Variants in MED27 observed in about 807,000 individuals in gnomAD.
MED27 encodes the protein mediator of RNA polymerase II transcription subunit 27.
In MED27, 30 loss-of-function variants were observed where a neutral mutation model predicts 38.2. That is an observed-to-expected ratio of 0.79 (90% confidence interval 0.59 to 1.07). MED27 has a LOEUF of 1.07. Among genes scored for constraint, MED27 ranks in the 50% least tolerant of loss-of-function variants. The pLI, the probability that MED27 is intolerant of heterozygous loss-of-function variation, is 0.00. For missense variants in MED27, 289 were observed against 397.5 expected (o/e 0.73, Z 2.32); for synonymous variants, 122 against 153.5 (o/e 0.79, Z 1.52).
Position 131,883,525 on chromosome 9 carries a change from G to A in MED27, c.723+533C>T, listed in dbSNP as rs1454792850. Reference sequence around the variant, plus strand: ...ATCTGAAAAAGATACAGTGTCCCCAGAGCACAAAGTGGGGAAGGGGCAGGG... The same window carrying A: ...ATCTGAAAAAGATACAGTGTCCCCAAAGCACAAAGTGGGGAAGGGGCAGGG... On this transcript the variant is annotated intron_variant, in intron 6 of 7. Transcript: ENST00000292035. The surrounding 1 kb of genome is among the most constrained non-coding windows in gnomAD (Gnocchi z 4.2). Among the ~76,000 whole-genome samples the A allele has an allele frequency of 1.3e-5, 2 of 152,148 alleles. No homozygotes were observed. The highest frequency in any genetic ancestry group is 1.3e-4 in the Admixed American group (2 of 15,272).
chr9:131,892,946 T>C (rs1225960601), intron 5 of MED27, among the ~76,000 whole-genome samples: 6 of 152,222 alleles, frequency 3.9e-5, no homozygotes, highest in Non-Finnish European at 8.8e-5. Context: ...TAGACAACAC[T>C]TGTGTGGAAT....
chr9:131,894,926 C>A (rs1244011557), intron 4 of MED27, among the ~76,000 whole-genome samples: 1 of 152,146 alleles, frequency 6.6e-6, no homozygotes, highest in African/African-American at 2.4e-5. Flanking sequence ...GATCAGCTCC[C>A]TCGAGAGTGG....
At chr9:131,871,928 C>T (rs916927184) in intron 6 of MED27, among the ~76,000 whole-genome samples, 3 of 152,112 alleles carry the variant, frequency 2.0e-5, no homozygotes, top group East Asian at 1.9e-4. Flanking sequence ...TCCTGCCAGG[C>T]ATTCTAAAAC....
intron 4 of MED27, among the ~76,000 whole-genome samples, chr9:131,932,722 A>G (rs1355981073): frequency 2.6e-5 from 4 of 152,210 alleles, no homozygotes; most frequent in Non-Finnish European, 4.4e-5. Context: ...TACTCAAAGT[A>G]TTCCAAAAAA....
intron 4 of MED27, among the ~76,000 whole-genome samples, chr9:131,918,632 C>T (rs143703948): frequency 6.6e-6 from 1 of 152,032 alleles, no homozygotes; most frequent in Non-Finnish European, 1.5e-5. Flanking sequence ...AGGTTTAATG[C>T]CCAAGCATTT....
intron 4 of MED27, among the ~76,000 whole-genome samples, chr9:131,912,618 G>A (rs891897815): frequency 1.3e-5 from 2 of 152,156 alleles, no homozygotes; most frequent in Non-Finnish European, 2.9e-5. Context: ...GATAGGAAAT[G>A]GCTCCCTGAC....
intron 2 of MED27, among the ~76,000 whole-genome samples, chr9:132,070,021 T>C (rs1402421174): frequency 6.6e-6 from 1 of 152,192 alleles, no homozygotes; most frequent in Non-Finnish European, 1.5e-5. Flanking sequence ...CTCAATGCCT[T>C]AGTCCCCACG....
chr9:132,056,481 C>A (rs1564343109), intron 2 of MED27, among the ~76,000 whole-genome samples: 2 of 152,266 alleles, frequency 1.3e-5, no homozygotes, highest in East Asian at 3.9e-4. Flanking sequence ...ATCTCAAAAT[C>A]CAAAATCCCA....
intron 3 of MED27, among the ~76,000 whole-genome samples, chr9:131,944,135 G>T (rs1830838212): frequency 6.6e-6 from 1 of 152,144 alleles, no homozygotes; most frequent in Non-Finnish European, 1.5e-5. Context: ...TGGCGAAAAT[G>T]GATTTCAAGA....
At chr9:131,968,224 C>T (rs1831394742) in intron 3 of MED27, among the ~76,000 whole-genome samples, 1 of 151,992 alleles carries the variant, frequency 6.6e-6, no homozygotes, top group Admixed American at 6.6e-5. Context: ...TGTAATCCCA[C>T]CACTCTGGAA....
intron 3 of MED27, among the ~76,000 whole-genome samples, chr9:131,961,349 A>C (rs1226456158): frequency 6.6e-6 from 1 of 152,208 alleles, no homozygotes; most frequent in Non-Finnish European, 1.5e-5. Flanking sequence ...TCCCAAACAC[A>C]GAACAGGATT....
At chr9:131,985,709 T>A (rs937826831) in intron 3 of MED27, among the ~76,000 whole-genome samples, 37 of 152,200 alleles carry the variant, frequency 2.4e-4, no homozygotes, top group African/African-American at 7.2e-4. Context: ...TTTTTTTTTT[T>A]AGCATATACT....
intron 4 of MED27, among the ~76,000 whole-genome samples, chr9:131,931,252 A>G (rs931823196): frequency 1.3e-5 from 2 of 152,256 alleles, no homozygotes; most frequent in South Asian, 2.1e-4. Context: ...CTCAAAAATA[A>G]ATAAATAAAA....
At chr9:131,916,998 C>T (rs996247179) in intron 4 of MED27, among the ~76,000 whole-genome samples, 8 of 152,132 alleles carry the variant, frequency 5.3e-5, no homozygotes, top group Non-Finnish European at 1.0e-4. Flanking sequence ...AATGCACAGC[C>T]GTTTTGCCAG....
Position 131,879,047 on chromosome 9 carries a change from G to A in MED27, c.723+5011C>T, listed in dbSNP as rs1018762171. 2.6e-5 allele frequency among the ~76,000 whole-genome samples: 4 copies of A among 152,174 alleles called. No homozygotes were observed. The East Asian group carries it at 7.7e-4, about 29-fold the overall frequency. On this transcript the variant is annotated intron_variant, in intron 6 of 7. Transcript: ENST00000292035. ...GGGGTCTAATGAGGAAGAGTGAAAA[G>A]GGCTTGCTGATGGCATGAACATCTG...
chr9:131,990,746 T>C (rs1001413508), intron 3 of MED27, among the ~76,000 whole-genome samples: 1 of 152,200 alleles, frequency 6.6e-6, no homozygotes, highest in Non-Finnish European at 1.5e-5. Flanking sequence ...AGATCTAGGA[T>C]TCCCATTAGT....
intron 5 of MED27, 43 bp downstream of exon 5, chr9:131,893,842 G>T: frequency 2.1e-6 from 3 of 1,405,644 alleles, no homozygotes; most frequent in Non-Finnish European, 3.0e-6. Context: ...CTTGTTCTGG[G>T]ATACAGAAAA....
chr9:131,986,939 CA>C (rs1831862794), intron 3 of MED27, among the ~76,000 whole-genome samples: 1 of 145,984 alleles, frequency 6.9e-6, no homozygotes, highest in Non-Finnish European at 1.5e-5. Context: ...TGACTCACTG[CA>C]TTTTGTCACT....
Position 131,860,744 on chromosome 9 carries a change from G to A in MED27, c.802-72C>T. 1 of 1,549,802 alleles carries A rather than the reference G, an allele frequency of 6.5e-7. No individual in the cohort carries two copies. On this transcript the variant is annotated intron_variant, in intron 7 of 7. Transcript: ENST00000292035. This position sits in a 1 kb window ranked among gnomAD's most constrained non-coding sequence, Gnocchi z 5.8. ...CTCCCAAAGTCCTCCTTCCTATCAA[G>A]CCTAATGGCCCAGACAACTTAAGTT... is the stretch of plus-strand genomic sequence containing the variant.
Sources: gnomAD v4.1 joint callset for allele counts (sites outside exome capture counted in the v4.1 genomes callset) on GRCh38, gnomAD v4.1.1 for gene constraint, Gnocchi (gnomAD v3.1) non-coding constraint, MANE v1.5 for transcripts, NCBI Gene and HGNC (gene_info 2026-07-23, HGNC 2026-07-21) for gene names.